HECW2: variants seen among roughly 807,000 people sequenced by gnomAD.
The protein encoded by HECW2 is E3 ubiquitin-protein ligase HECW2.
A neutral mutation model predicts 175.2 loss-of-function variants in HECW2; 61 were observed. That is an observed-to-expected ratio of 0.35 (90% CI 0.28 to 0.43). The LOEUF (loss-of-function observed/expected upper bound fraction) is 0.43. Among genes scored for constraint, HECW2 ranks in the 20% least tolerant of loss-of-function variants. The pLI is 1.00. For synonymous variants in HECW2, 671 were observed against 731.0 expected (o/e 0.92, Z 1.32); for missense variants, 1,524 against 2,000.5 (o/e 0.76, Z 4.54).
rs751289624 is a variant in HECW2 at position 196,319,263 on chromosome 2, C to T, written c.1627G>A (p.Ala543Thr). Residue 543 changes from alanine (A) to threonine (T), a missense_variant, in exon 9 of 29, where the codon GCA (alanine) becomes ACA (threonine). Ala to Thr is a moderately conservative substitution (Grantham distance 58, BLOSUM62 0). Coordinates refer to ENST00000644978, the MANE Select transcript of HECW2 (RefSeq NM_001348768.2). ...LPELAESSLP[A>T]GPAPEEGEGG... Reference sequence around the variant, plus strand: ...TCACCTTCCTCTGGGGCTGGGCCTGCAGGTAAGGAGCTCTCTGCAAGCTCT... The same window carrying T: ...TCACCTTCCTCTGGGGCTGGGCCTGTAGGTAAGGAGCTCTCTGCAAGCTCT... 1.2e-6 allele frequency: 2 copies of T among 1,604,698 alleles called. No homozygotes were observed. The highest frequency in any genetic ancestry group is 1.7e-5 in the Admixed American group (1 of 59,096).
intron 1 of HECW2, among the ~76,000 whole-genome samples, chr2:196,591,236 C>G (rs1691179641): frequency 6.6e-6 from 1 of 152,152 alleles, no homozygotes. Flanking sequence ...CATCATGGTG[C>G]CCAAACCTCA....
chr2:196,564,652 T>C (rs1394156892), intron 1 of HECW2, among the ~76,000 whole-genome samples: 1 of 152,146 alleles, frequency 6.6e-6, no homozygotes, highest in Non-Finnish European at 1.5e-5. Flanking sequence ...AATTAAAAAT[T>C]GAGGGAAAGA....
intron 1 of HECW2, among the ~76,000 whole-genome samples, chr2:196,508,128 A>G (rs754817085): frequency 1.3e-5 from 2 of 152,228 alleles, no homozygotes; most frequent in Non-Finnish European, 2.9e-5. Flanking sequence ...ACTGTCTTTA[A>G]AAGAGTACTG....
At chr2:196,577,906 A>T (rs533112350) in intron 1 of HECW2, among the ~76,000 whole-genome samples, 2 of 152,320 alleles carry the variant, frequency 1.3e-5, no homozygotes, top group Admixed American at 6.5e-5. Flanking sequence ...CATCCTCGAG[A>T]GGGAGGACAA....
intron 28 of HECW2, 150 bp downstream of exon 28, chr2:196,215,715 T>C: frequency 1.7e-6 from 1 of 587,538 alleles, no homozygotes; most frequent in South Asian, 2.2e-5. Flanking sequence ...TTCCTCTTCG[T>C]TTAGAAAGGT....
At chr2:196,570,660 C>T (rs1356050418) in intron 1 of HECW2, among the ~76,000 whole-genome samples, 1 of 152,074 alleles carries the variant, frequency 6.6e-6, no homozygotes, top group African/African-American at 2.4e-5. Context: ...ATGTAGCAAA[C>T]CTGCATGTTG....
At chr2:196,547,765 T>G (rs1460326540) in intron 1 of HECW2, among the ~76,000 whole-genome samples, 1 of 152,160 alleles carries the variant, frequency 6.6e-6, no homozygotes, top group African/African-American at 2.4e-5. Flanking sequence ...CATCTCCCAG[T>G]CAGCAGGAAG....
At chr2:196,571,092 T>C (rs1208685928) in intron 1 of HECW2, among the ~76,000 whole-genome samples, 3 of 152,226 alleles carry the variant, frequency 2.0e-5, no homozygotes, top group Non-Finnish European at 4.4e-5. Flanking sequence ...TAATTGCTTA[T>C]TCAAAAGAAC....
intron 2 of HECW2, among the ~76,000 whole-genome samples, chr2:196,366,727 T>C (rs1693755295): frequency 6.6e-6 from 1 of 152,196 alleles, no homozygotes. Context: ...TGTGTTAACG[T>C]TGCATTAACT....
chr2:196,458,425 C>T (rs1005867075), intron 1 of HECW2, among the ~76,000 whole-genome samples: 1 of 129,882 alleles, frequency 7.7e-6, no homozygotes, highest in East Asian at 2.4e-4. Flanking sequence ...CTCTCTCTCC[C>T]TCTCACTCAC....
intron 9 of HECW2, among the ~76,000 whole-genome samples, chr2:196,317,632 C>G (rs1216540554): frequency 2.0e-5 from 3 of 151,802 alleles, no homozygotes; most frequent in Non-Finnish European, 2.9e-5. Context: ...GGCCTCTGTC[C>G]TGGTCATGCG....
intron 18 of HECW2, 111 bp from the exon 19 acceptor site, chr2:196,254,140 G>C (rs1186444138): frequency 9.0e-6 from 13 of 1,451,448 alleles, no homozygotes; most frequent in Non-Finnish European, 1.2e-5. Flanking sequence ...ATCCCAAAGA[G>C]AGCATCCGCC....
At chr2:196,399,726 A>G (rs1015788075) in intron 2 of HECW2, among the ~76,000 whole-genome samples, 2 of 152,258 alleles carry the variant, frequency 1.3e-5, no homozygotes, top group Admixed American at 6.5e-5. Context: ...CTAACCACAC[A>G]GTCTCCTAAG....
In HECW2 at chr2:196,325,135, C is replaced by G; in HGVS notation, c.586G>C (p.Gly196Arg). The G allele has an allele frequency of 6.3e-7, 1 of 1,597,200 alleles. No homozygotes were observed. Among genetic ancestry groups the G allele is most frequent in the Non-Finnish European group, 8.5e-7 (1 of 1,173,150 alleles). ...SFTLSDLRAV[G>R]LKKGMFFNPD... ...TTGAAGAACATCCCTTTCTTTAGCCCAACTGCCCTAAGATCTTTAAAGAAA... is the reference window on the plus strand; with the variant it reads ...TTGAAGAACATCCCTTTCTTTAGCCGAACTGCCCTAAGATCTTTAAAGAAA... Residue 196 changes from glycine to arginine, a missense_variant, in exon 6 of 29, where the codon GGG (glycine) becomes CGG (arginine). This residue lies in a region of HECW2 where 54 missense variants were observed against 46.8 expected (regional missense o/e 1.15). Coordinates refer to ENST00000644978, the MANE Select transcript of HECW2 (RefSeq NM_001348768.2).
intron 2 of HECW2, among the ~76,000 whole-genome samples, chr2:196,405,404 T>G (rs1233655390): frequency 6.6e-6 from 1 of 152,172 alleles, no homozygotes; most frequent in Non-Finnish European, 1.5e-5. Context: ...CGATATCACA[T>G]GTCTACCTCT....
intron 2 of HECW2, among the ~76,000 whole-genome samples, chr2:196,426,108 AT>A (rs1695539504): frequency 6.6e-6 from 1 of 152,098 alleles, no homozygotes; most frequent in Non-Finnish European, 1.5e-5. Context: ...GATCATTAAC[AT>A]TTTTTTATGA....
chr2:196,227,494 C>A (rs1195761114), intron 22 of HECW2, among the ~76,000 whole-genome samples: 2 of 152,206 alleles, frequency 1.3e-5, no homozygotes, highest in African/African-American at 4.8e-5. Context: ...CACCTGGTTA[C>A]AAACTTCAAA....
At chr2:196,419,269 G>C (rs1421362534) in intron 2 of HECW2, among the ~76,000 whole-genome samples, 5 of 152,164 alleles carry the variant, frequency 3.3e-5, no homozygotes, top group Admixed American at 3.3e-4. Context: ...CCCACAGAGT[G>C]GGCGATTTTT....
At chr2:196,369,342 G>T (rs1693841604) in intron 2 of HECW2, among the ~76,000 whole-genome samples, 1 of 131,452 alleles carries the variant, frequency 7.6e-6, no homozygotes, top group African/African-American at 3.0e-5. Flanking sequence ...AACAAATGGA[G>T]TCTCTCTCTC....
Sources: gnomAD v4.1 joint callset for allele counts (sites outside exome capture counted in the v4.1 genomes callset) on GRCh38, gnomAD v4.1.1 for gene constraint, gnomAD v4.1.1 regional missense constraint, MANE v1.5 for transcripts, NCBI Gene and HGNC (gene_info 2026-07-23, HGNC 2026-07-21) for gene names.